SERHL2: variants seen among roughly 807,000 people sequenced by gnomAD.
The protein encoded by SERHL2 is serine hydrolase-like protein 2.
SERHL2 carries 29 observed loss-of-function variants against 25.5 expected under a neutral mutation model. The ratio of observed to expected loss-of-function variants is 1.14; its 90% confidence interval spans 0.85 to 1.55. The LOEUF is 1.55. Ranked by LOEUF, SERHL2 falls within the 40% of genes most tolerant of loss-of-function variation. SERHL2 has a pLI of 0.00. For synonymous variants in SERHL2, 95 were observed against 103.5 expected (o/e 0.92, Z 0.50); for missense variants, 240 against 252.3 (o/e 0.95, Z 0.33).
At position 42,561,402 on chromosome 22, in the gene SERHL2, A is replaced by G. The variant is rs1465224259; in HGVS notation, c.613+1137A>G. Among the ~76,000 whole-genome samples the G allele has an allele frequency of 2.8e-5, 4 of 144,510 alleles. No homozygotes were observed. The South Asian group carries it at 6.9e-4, about 25-fold the overall frequency. The allele number at this position is 144,510 out of a possible 152,430, so 94.8% of individuals were successfully genotyped here. On this transcript the variant is annotated intron_variant, in intron 8 of 11. Coordinates refer to ENST00000327678, the MANE Select transcript of SERHL2 (RefSeq NM_014509.5). Reference sequence around the variant, plus strand: ...ACAAGGTCTTGGGTTTTTTGCGCTCATTGGACCAGGTGAGGTGGGCATGTG... The same window carrying G: ...ACAAGGTCTTGGGTTTTTTGCGCTCGTTGGACCAGGTGAGGTGGGCATGTG...
intron 9 of SERHL2, among the ~76,000 whole-genome samples, chr22:42,567,666 A>G (rs1458790234): frequency 6.8e-6 from 1 of 146,414 alleles, no homozygotes; most frequent in Non-Finnish European, 1.5e-5. Flanking sequence ...GCGAGACTCC[A>G]TGTCAAAAAA....
At chr22:42,573,634 T>C (rs1459079705) in intron 11 of SERHL2, 1 of 355,324 alleles carries the variant, frequency 2.8e-6, no homozygotes, top group East Asian at 6.1e-5. Context: ...TTCTCACGGG[T>C]ACCTCTTCTG....
chr22:42,554,529 A>G (rs1921995954), intron 1 of SERHL2, among the ~76,000 whole-genome samples: 1 of 152,190 alleles, frequency 6.6e-6, no homozygotes, highest in Non-Finnish European at 1.5e-5. Flanking sequence ...CCTTTGGGAA[A>G]GGCTTAGGAA....
intron 5 of SERHL2, 129 bp from the exon 6 acceptor site, chr22:42,556,385 T>C: frequency 2.8e-6 from 2 of 724,442 alleles, no homozygotes; most frequent in Non-Finnish European, 4.6e-6. Flanking sequence ...GATTCTCCTC[T>C]GGCCTCTTGG....
intron 9 of SERHL2, among the ~76,000 whole-genome samples, chr22:42,568,619 A>G (rs983591144): frequency 6.6e-6 from 1 of 151,964 alleles, no homozygotes; most frequent in African/African-American, 2.4e-5. Context: ...GAAGATACAC[A>G]TTACAAAATG....
intron 9 of SERHL2, among the ~76,000 whole-genome samples, chr22:42,568,464 C>A (rs1172027695): frequency 6.6e-6 from 1 of 151,908 alleles, no homozygotes; most frequent in Non-Finnish European, 1.5e-5. Flanking sequence ...GTCAATCTGG[C>A]TTTTGGAGAT....
chr22:42,572,183 A>T (rs1402269576), intron 10 of SERHL2, among the ~76,000 whole-genome samples: 1 of 152,110 alleles, frequency 6.6e-6, no homozygotes, highest in African/African-American at 2.4e-5. Flanking sequence ...ACTGTGACCA[A>T]GTCCTGAACT....
rs772200568 is a variant in SERHL2 at position 42,554,069 on chromosome 22, G to A, written c.22+27G>A. On this transcript the variant is annotated intron_variant, in intron 1 of 11. Coordinates refer to ENST00000327678, the MANE Select transcript of SERHL2 (RefSeq NM_014509.5). ...TCTGACGGGGAGGCCTTGTGCGAGC[G>A]TCCCACTGCCCACCCACCTGGTTGG... is the stretch of plus-strand genomic sequence containing the variant. The A allele has an allele frequency of 1.7e-5, 27 of 1,611,282 alleles. 1 individual carries two copies. The Admixed American group carries it at 4.0e-4, about 24-fold the overall frequency.
chr22:42,564,074 G>GA lies in SERHL2; in HGVS notation c.614-2220dup, dbSNP rs917644801. Among the ~76,000 whole-genome samples the GA allele has an allele frequency of 8.4e-4, 123 of 146,258 alleles. 1 individual carries two copies. The highest frequency in any genetic ancestry group is 2.2e-3 in the African/African-American group (87 of 40,020). On this transcript the variant is annotated intron_variant, in intron 8 of 11. Transcript: ENST00000327678. ...GCAACAAGAGTGAAACTTCGTCTCAGAAAAAAAAAAGACAAGAAAAAACAT... is the reference window on the plus strand; with the variant it reads ...GCAACAAGAGTGAAACTTCGTCTCAGAAAAAAAAAAAGACAAGAAAAAACAT...
At chr22:42,567,435 C>A (rs1303401385) in intron 9 of SERHL2, among the ~76,000 whole-genome samples, 2 of 151,804 alleles carry the variant, frequency 1.3e-5, no homozygotes, top group East Asian at 3.9e-4. Context: ...GAGGCCGAGG[C>A]GGGTGGATCA....
At chr22:42,561,089 G>A (rs1320593302) in intron 8 of SERHL2, among the ~76,000 whole-genome samples, 1 of 151,946 alleles carries the variant, frequency 6.6e-6, no homozygotes, top group Non-Finnish European at 1.5e-5. Flanking sequence ...TCTTGGAAGA[G>A]AAGCAGATGA....
At chr22:42,567,816 T>C (rs1453178755) in intron 9 of SERHL2, among the ~76,000 whole-genome samples, 1 of 151,712 alleles carries the variant, frequency 6.6e-6, no homozygotes, top group African/African-American at 2.4e-5. Flanking sequence ...CGGCAACCTT[T>C]GCCTCCCAGG....
intron 9 of SERHL2, among the ~76,000 whole-genome samples, chr22:42,568,179 A>C (rs1923666883): frequency 7.1e-6 from 1 of 141,456 alleles, no homozygotes; most frequent in African/African-American, 2.7e-5. Flanking sequence ...GTGCGCTACC[A>C]CACCCAGCTA....
intron 9 of SERHL2, among the ~76,000 whole-genome samples, chr22:42,568,439 TATTGCCAG>T (rs1601851920): frequency 6.6e-6 from 1 of 151,832 alleles, no homozygotes; most frequent in Non-Finnish European, 1.5e-5. Context: ...GGTAGGAATT[TATTGCCAG>T]ATCCTAGTCA....
chr22:42,554,278 C>T (rs1921961406), intron 1 of SERHL2, among the ~76,000 whole-genome samples: 1 of 152,194 alleles, frequency 6.6e-6, no homozygotes, highest in South Asian at 2.1e-4. Context: ...GCCGAGCGTG[C>T]GCGTGGGTGT....
chr22:42,566,440 C>A, intron 9 of SERHL2, 102 bp downstream of exon 9: 1 of 1,153,360 alleles, frequency 8.7e-7, no homozygotes, highest in South Asian at 1.2e-5. Context: ...CGCCTGTAAT[C>A]CCAGCTACTC....
chr22:42,569,876 C>G (rs1419024143), intron 9 of SERHL2: 1 of 143,760 alleles, frequency 7.0e-6, no homozygotes, highest in African/African-American at 2.6e-5. Flanking sequence ...TGTGTGTGTT[C>G]ATGGCAATTT....
intron 8 of SERHL2, chr22:42,563,309 T>C (rs1030429490): frequency 4.7e-5 from 12 of 255,706 alleles, no homozygotes; most frequent in Non-Finnish European, 8.2e-5. Flanking sequence ...GCTCAGGCGA[T>C]CCTCCTACCT....
intron 7 of SERHL2, among the ~76,000 whole-genome samples, chr22:42,559,706 A>G (rs1175136764): frequency 6.6e-6 from 1 of 151,620 alleles, no homozygotes; most frequent in African/African-American, 2.4e-5. Context: ...GCAACAGAGC[A>G]AGACTCTGTC....
Sources: allele counts gnomAD v4.1 joint callset (sites outside exome capture counted in the v4.1 genomes callset), GRCh38; gene constraint gnomAD v4.1.1; transcripts MANE v1.5; gene names NCBI Gene and HGNC (gene_info 2026-07-23, HGNC 2026-07-21).